The following ATP8B1 variants were observed in gnomAD, a reference collection of about 807,000 sequenced individuals.
ATP8B1 encodes the protein ATPase phospholipid transporting 8B1.
Under a neutral mutation model 149.9 loss-of-function variants are expected in ATP8B1, and 80 were observed. The observed-to-expected ratio is 0.53, with a 90% CI of 0.45 to 0.64. The LOEUF (loss-of-function observed/expected upper bound fraction) is 0.64, where lower values mean the gene tolerates loss of function less well. Among genes scored for constraint, ATP8B1 ranks in the 30% least tolerant of loss-of-function variants. The pLI is 0.00. For synonymous variants in ATP8B1, 536 were observed against 562.8 expected (o/e 0.95, Z 0.67); for missense variants, 1,247 against 1,552.6 (o/e 0.80, Z 3.31).
chr18:57,697,585 A>G (rs1329291207), intron 8 of ATP8B1, 33 bp downstream of exon 8: 2 of 1,605,058 alleles, frequency 1.2e-6, no homozygotes, highest in Non-Finnish European at 1.7e-6. Context: ...TTCAAAGGCC[A>G]GCTTTAAATC....
At chr18:57,660,953 C>T (rs1910352536) in intron 22 of ATP8B1, among the ~76,000 whole-genome samples, 1 of 152,176 alleles carries the variant, frequency 6.6e-6, no homozygotes, top group Non-Finnish European at 1.5e-5. Context: ...TCTTCGCATC[C>T]TTCAGAAGCC....
rs140847621 is a variant in ATP8B1 at position 57,750,976 on chromosome 18, C to T, written c.-25-19144G>A. Among the ~76,000 whole-genome samples the T allele has an allele frequency of 3.6e-4, 54 of 152,052 alleles. No individual in the cohort carries two copies. In the East Asian group the frequency reaches 8.0e-3, roughly 22 times the overall value. On this transcript the variant is annotated intron_variant, in intron 1 of 27. Transcript: ENST00000648908. ...TCTAGTAAAAATACAGAAAATTAGCCGGGCGTGGTGGCGCACACCTGCTAT... is the reference window on the plus strand; with the variant it reads ...TCTAGTAAAAATACAGAAAATTAGCTGGGCGTGGTGGCGCACACCTGCTAT...
intron 1 of ATP8B1, among the ~76,000 whole-genome samples, chr18:57,787,152 A>G (rs1021910568): frequency 6.6e-6 from 1 of 152,266 alleles, no homozygotes; most frequent in African/African-American, 2.4e-5. Context: ...ACCGGAAATC[A>G]TTGTATAATG....
chr18:57,751,832 A>G (rs2080023258), intron 1 of ATP8B1, among the ~76,000 whole-genome samples: 1 of 152,088 alleles, frequency 6.6e-6, no homozygotes, highest in Non-Finnish European at 1.5e-5. Context: ...TATCATTTGT[A>G]CTTTAACAAC....
intron 1 of ATP8B1, among the ~76,000 whole-genome samples, chr18:57,766,038 T>TTTTTC (rs780198807): frequency 1.3e-5 from 2 of 152,030 alleles, no homozygotes; most frequent in Non-Finnish European, 2.9e-5. Flanking sequence ...CAATAATTTT[T>TTTTTC]TTTTCTTTTC....
chr18:57,684,046 A>G lies in ATP8B1; in HGVS notation c.1620T>C (p.Asp540=), dbSNP rs201514636. The G allele has an allele frequency of 8.7e-5, 140 of 1,614,034 alleles. No homozygotes were observed. The highest frequency in any genetic ancestry group is 1.1e-4 in the Non-Finnish European group (129 of 1,180,026). Residue 540 remains aspartate (D), a synonymous_variant, in exon 15 of 28, where the codon GAT becomes GAC. Coordinates refer to ENST00000648908, the MANE Select transcript of ATP8B1 (RefSeq NM_001374385.1). ...CAGAGAAACACTCACCATCAGTCCTATCCACCATGACTGTGTGGCAAACTG... is the reference window on the plus strand; with the variant it reads ...CAGAGAAACACTCACCATCAGTCCTGTCCACCATGACTGTGTGGCAAACTG... The part of the protein sequence containing the change: ...LLAVCHTVMV[D]RTDGQLNYQA...
intron 1 of ATP8B1, among the ~76,000 whole-genome samples, chr18:57,760,732 C>G (rs2080141425): frequency 6.6e-6 from 1 of 152,046 alleles, no homozygotes; most frequent in Non-Finnish European, 1.5e-5. Context: ...GGCTCACGCC[C>G]ATAATCCCAG....
chr18:57,699,243 A>G (rs1394683900), intron 6 of ATP8B1, among the ~76,000 whole-genome samples: 1 of 152,254 alleles, frequency 6.6e-6, no homozygotes, highest in Non-Finnish European at 1.5e-5. Flanking sequence ...CAAGCTATAA[A>G]TATGTTTAGA....
chr18:57,677,002 T>C (rs1911638986), intron 15 of ATP8B1, among the ~76,000 whole-genome samples: 1 of 152,106 alleles, frequency 6.6e-6, no homozygotes, highest in African/African-American at 2.4e-5. Flanking sequence ...CAGAGCAAGA[T>C]GCAGTCTCTT....
At chr18:57,676,126 T>G (rs1401211759) in intron 15 of ATP8B1, among the ~76,000 whole-genome samples, 1 of 152,166 alleles carries the variant, frequency 6.6e-6, no homozygotes, top group Non-Finnish European at 1.5e-5. Context: ...TTGTACCAGT[T>G]TATCTTCCCT....
intron 1 of ATP8B1, among the ~76,000 whole-genome samples, chr18:57,734,259 G>A (rs537666513): frequency 4.6e-5 from 7 of 151,954 alleles, no homozygotes; most frequent in Middle Eastern, 3.4e-3. Flanking sequence ...GTGCAATCTC[G>A]GCTCACTGCA....
intron 16 of ATP8B1, 52 bp from the exon 17 acceptor site, chr18:57,671,632 A>G: frequency 7.7e-7 from 1 of 1,303,950 alleles, no homozygotes; most frequent in Non-Finnish European, 1.1e-6. Context: ...TTTTATATAT[A>G]TATTTTTTGA....
intron 1 of ATP8B1, among the ~76,000 whole-genome samples, chr18:57,773,653 C>G (rs1269340529): frequency 6.6e-6 from 1 of 151,860 alleles, no homozygotes; most frequent in Non-Finnish European, 1.5e-5. Context: ...AAGACTGAAC[C>G]CCTCAATTTC....
intron 1 of ATP8B1, among the ~76,000 whole-genome samples, chr18:57,741,438 C>T (rs2079912913): frequency 1.3e-5 from 2 of 152,212 alleles, no homozygotes; most frequent in Admixed American, 6.5e-5. Context: ...CTGGAGCCCT[C>T]AGTCCAATAG....
At chr18:57,690,907 G>T (rs1397380691) in intron 12 of ATP8B1, among the ~76,000 whole-genome samples, 1 of 152,120 alleles carries the variant, frequency 6.6e-6, no homozygotes, top group Non-Finnish European at 1.5e-5. Flanking sequence ...CGGGTGTGGT[G>T]GCTCATGCCT....
intron 1 of ATP8B1, among the ~76,000 whole-genome samples, chr18:57,772,315 A>G (rs533260403): frequency 6.6e-6 from 1 of 152,270 alleles, no homozygotes; most frequent in Non-Finnish European, 1.5e-5. Flanking sequence ...GACAGGAGGG[A>G]TGCTGAGTTG....
At chr18:57,755,065 C>T (rs1414636736) in intron 1 of ATP8B1, among the ~76,000 whole-genome samples, 1 of 152,058 alleles carries the variant, frequency 6.6e-6, no homozygotes, top group Non-Finnish European at 1.5e-5. Context: ...TAGAAATTGT[C>T]TTTACATCTG....
At chr18:57,672,927 T>C (rs1231385717) in intron 16 of ATP8B1, among the ~76,000 whole-genome samples, 5,618 of 36,706 alleles carry the variant, frequency 0.15, 556 homozygotes, top group Middle Eastern at 0.23. Flanking sequence ...TATATATATA[T>C]ATATAACATG....
At chr18:57,728,990 G>T (rs2079734371) in intron 2 of ATP8B1, among the ~76,000 whole-genome samples, 1 of 152,014 alleles carries the variant, frequency 6.6e-6, no homozygotes, top group Non-Finnish European at 1.5e-5. Context: ...AAAGTGCTGG[G>T]ATTACAGGCA....
Sources: gnomAD v4.1 joint callset for allele counts (sites outside exome capture counted in the v4.1 genomes callset) on GRCh38, gnomAD v4.1.1 for gene constraint, MANE v1.5 for transcripts, NCBI Gene and HGNC (gene_info 2026-07-23, HGNC 2026-07-21) for gene names.